Variants in ZNF718 observed in about 807,000 individuals in gnomAD.
The protein encoded by ZNF718 is zinc finger protein 718.
Under a neutral mutation model 2.6 loss-of-function variants are expected in ZNF718, and 3 were observed. That is an observed-to-expected ratio of 1.16 (90% CI 0.53 to 3.01). The LOEUF is 3.01. Ranked by LOEUF, ZNF718 falls within the 30% of genes most tolerant of loss-of-function variation. ZNF718 has a pLI of 0.03. For synonymous variants in ZNF718, 135 were observed against 77.9 expected (o/e 1.73, Z -3.86); for missense variants, 468 against 230.0 (o/e 2.03, Z -6.69).
chr4:172,887 C>G lies in ZNF718; in HGVS notation c.227-28194C>G, dbSNP rs376618442. On this transcript the variant is annotated intron_variant and NMD_transcript_variant, in intron 3 of 4. Transcript: ENST00000642529. Reference sequence around the variant, plus strand: ...TGGCCAACATGGTGAAACTCCGTCTCTACTAAAATTAGATGGCCATGGTGG... The same window carrying G: ...TGGCCAACATGGTGAAACTCCGTCTGTACTAAAATTAGATGGCCATGGTGG... 3.3e-5 allele frequency among the ~76,000 whole-genome samples: 5 copies of G among 151,970 alleles called. No homozygotes were observed. The South Asian group carries it at 6.2e-4, about 19-fold the overall frequency.
intron 3 of ZNF718, among the ~76,000 whole-genome samples, chr4:158,798 A>T (rs1581456901): frequency 6.6e-6 from 1 of 151,344 alleles, no homozygotes; most frequent in Non-Finnish European, 1.5e-5. Flanking sequence ...ATATTTTTGT[A>T]TGTGCATATC....
chr4:162,305 C>T lies in ZNF718; in HGVS notation c.*183C>T, dbSNP rs1553815733. On this transcript the variant is annotated 3_prime_UTR_variant, in exon 4 of 4. Transcript: ENST00000510175. ...AAAAATATGAAAAATGTGGAAAAGC[C>T]TTCAAATGCTTGTCACATATTACTG... The T allele has an allele frequency of 2.1e-6, 1 of 482,798 alleles. No homozygotes were observed. Among genetic ancestry groups the T allele is most frequent in the Non-Finnish European group, 3.7e-6 (1 of 273,158 alleles). 29.9% of individuals were successfully genotyped at this position (482,798 alleles called of 1,614,324 possible).
At chr4:180,612 G>A (rs1244458741) in intron 3 of ZNF718, among the ~76,000 whole-genome samples, 3 of 152,222 alleles carry the variant, frequency 2.0e-5, no homozygotes, top group African/African-American at 7.2e-5. Flanking sequence ...CATTGATGAT[G>A]TAAAGTGATG....
At chr4:190,514 A>C (rs1469209328) in intron 3 of ZNF718, among the ~76,000 whole-genome samples, 1 of 148,850 alleles carries the variant, frequency 6.7e-6, no homozygotes, top group Non-Finnish European at 1.5e-5. Flanking sequence ...ACAAGAAGCT[A>C]TAAGGTGACA....
intron 3 of ZNF718, chr4:149,750 T>C (rs922464316): frequency 2.6e-5 from 4 of 152,166 alleles, no homozygotes; most frequent in Non-Finnish European, 5.9e-5. Flanking sequence ...AGGTGAGTAG[T>C]CAAAAAACAG....
intron 3 of ZNF718, among the ~76,000 whole-genome samples, chr4:192,280 G>A (rs868936015): frequency 6.6e-6 from 1 of 152,178 alleles, no homozygotes; most frequent in African/African-American, 2.4e-5. Flanking sequence ...ACCCAAAGGG[G>A]GTTGCCACTC....
chr4:168,498 G>A (rs1553817359), downstream of ZNF718, among the ~76,000 whole-genome samples: 2 of 151,934 alleles, frequency 1.3e-5, no homozygotes, highest in African/African-American at 4.8e-5. Flanking sequence ...TTTTTTGGTT[G>A]GTAAGCTATT....
intron 3 of ZNF718, among the ~76,000 whole-genome samples, chr4:150,888 T>TTGTGTGTGTGTG (rs111894956): frequency 3.3e-5 from 5 of 150,234 alleles, no homozygotes; most frequent in African/African-American, 1.2e-4. Context: ...AATTTGAATT[T>TTGTGTGTGTGTG]TGTGTGTGTG....
intron 3 of ZNF718, among the ~76,000 whole-genome samples, chr4:155,385 A>G (rs1716525105): frequency 1.3e-5 from 2 of 152,160 alleles, no homozygotes; most frequent in Admixed American, 1.3e-4. Context: ...CAGCCCATGA[A>G]AGCAGCCAGG....
intron 3 of ZNF718, among the ~76,000 whole-genome samples, chr4:197,829 C>T (rs1185583463): frequency 2.0e-5 from 3 of 152,120 alleles, no homozygotes; most frequent in Non-Finnish European, 2.9e-5. Context: ...ATTCATGGCT[C>T]CAGATCCTGG....
intron 3 of ZNF718, among the ~76,000 whole-genome samples, chr4:177,439 C>T (rs1717371325): frequency 6.6e-6 from 1 of 152,116 alleles, no homozygotes; most frequent in African/African-American, 2.4e-5. Flanking sequence ...AGGCCTCTTC[C>T]CTTCAGAAAC....
In ZNF718 at chr4:128,960, C is replaced by T. The variant is rs1715295720; in HGVS notation, c.4-1828C>T. 1.9e-5 allele frequency among the ~76,000 whole-genome samples: 2 copies of T among 104,518 alleles called. 1 individual carries two copies. Among genetic ancestry groups the T allele is most frequent in the Non-Finnish European group, 4.3e-5 (2 of 46,836 alleles). 68.6% of individuals were successfully genotyped at this position (104,518 alleles called of 152,430 possible). A position where few individuals can be genotyped will look rare whatever the true frequency, so the allele number is the denominator to read the frequency against. ...TCCCTACCATCAAGGAACTTGCAGT[C>T]TAGAGCACATGAATAAATGATTGAA... On this transcript the variant is annotated intron_variant, in intron 1 of 3. Coordinates refer to ENST00000510175, the MANE Select transcript of ZNF718 (RefSeq NM_001039127.6).
chr4:189,872 C>CT (rs1553820903), intron 3 of ZNF718, among the ~76,000 whole-genome samples: 1 of 152,028 alleles, frequency 6.6e-6, no homozygotes, highest in East Asian at 1.9e-4. Context: ...TAAGTTGTCA[C>CT]TTTTTTCTAT....
chr4:170,602 C>A lies in ZNF718; in HGVS notation c.227-30479C>A, dbSNP rs185866583. ...TCTCACTTCATTTCATTTATTTCAT[C>A]TTCCATCACTGATACCCTTTCTTCC... On this transcript the variant is annotated intron_variant and NMD_transcript_variant, in intron 3 of 4. Coordinates refer to the ZNF718 transcript ENST00000642529. Among the ~76,000 whole-genome samples, 22 of 152,256 alleles carry A rather than the reference C, an allele frequency of 1.4e-4. No homozygotes were observed. The East Asian group carries it at 4.2e-3, about 29-fold the overall frequency.
At position 126,103 on chromosome 4, in the gene ZNF718, T is replaced by G. The variant is rs1373165975; in HGVS notation, c.3+1430T>G. ...CCACCCCATGGCTCTTGATAGCTCC[T>G]TGCTGTCTTGTGCTTTTTCCTTCCC... is the stretch of plus-strand genomic sequence containing the variant. On this transcript the variant is annotated intron_variant, in intron 1 of 3. Coordinates refer to ENST00000510175, the MANE Select transcript of ZNF718 (RefSeq NM_001039127.6). Among the ~76,000 whole-genome samples the G allele has an allele frequency of 3.3e-5, 5 of 152,222 alleles. No individual in the cohort carries two copies. The East Asian group carries it at 9.6e-4, about 29-fold the overall frequency.
intron 3 of ZNF718, among the ~76,000 whole-genome samples, chr4:184,318 T>C (rs1311494043): frequency 6.6e-6 from 1 of 152,132 alleles, no homozygotes; most frequent in Admixed American, 6.5e-5. Context: ...ATATATCGAT[T>C]TGTGTATGTT....
chr4:165,118 C>T (rs937651141), downstream of ZNF718, among the ~76,000 whole-genome samples: 2 of 152,082 alleles, frequency 1.3e-5, no homozygotes, highest in African/African-American at 4.8e-5. Context: ...CCTCACAGCC[C>T]TTCTCCTGAT....
At chr4:141,268 A>G in intron 3 of ZNF718, among the ~76,000 whole-genome samples, 1 of 152,236 alleles carries the variant, frequency 6.6e-6, no homozygotes, top group Admixed American at 6.5e-5. Context: ...TTCATAAAAC[A>G]ATGTAGTAAG....
At chr4:178,006 ACACC>A (rs1717384515) in intron 3 of ZNF718, among the ~76,000 whole-genome samples, 1 of 152,120 alleles carries the variant, frequency 6.6e-6, no homozygotes, top group Admixed American at 6.6e-5. Context: ...ATACCCTGAA[ACACC>A]CCTTAAGACA....
Sources: allele counts gnomAD v4.1 joint callset (sites outside exome capture counted in the v4.1 genomes callset), GRCh38; gene constraint gnomAD v4.1.1; transcripts MANE v1.5; gene names NCBI Gene and HGNC (gene_info 2026-07-23, HGNC 2026-07-21).